Variants in RBM11 observed in about 807,000 individuals in gnomAD.
RBM11 encodes the protein splicing regulator RBM11.
A neutral mutation model predicts 21.4 loss-of-function variants in RBM11; 18 were observed. The ratio of observed to expected loss-of-function variants is 0.84; its 90% CI spans 0.58 to 1.25. The LOEUF (loss-of-function observed/expected upper bound fraction) is 1.25, where lower values mean the gene tolerates loss of function less well. Ranked by LOEUF, RBM11 falls within the 50% of genes most tolerant of loss-of-function variation. RBM11 has a pLI of 0.00. For synonymous variants in RBM11, 120 were observed against 116.3 expected, an observed-to-expected ratio of 1.03 and a Z score of -0.20; for missense variants, 294 against 331.9, an observed-to-expected ratio of 0.89 and a Z score of 0.89.
At chr21:14,221,264 T>A in intron 3 of RBM11, 95 bp downstream of exon 3, 1 of 1,315,986 alleles carries the variant, frequency 7.6e-7, no homozygotes, top group South Asian at 1.8e-5. Flanking sequence ...AAAACCTTAC[T>A]TTTTAGGCCT....
In RBM11 at chr21:14,227,264, C is replaced by G; in HGVS notation, c.817C>G (p.Arg273Gly). Residue 273 changes from arginine to glycine, a missense_variant, in exon 5 of 5, where the codon CGA (arginine) becomes GGA (glycine). Arg to Gly is a moderately radical substitution (Grantham distance 125). Around this residue, in one of 2 missense-constraint regions of RBM11, gnomAD observed 113 missense variants for 167.3 expected, o/e 0.68. Coordinates refer to ENST00000400577, the MANE Select transcript of RBM11 (RefSeq NM_144770.5). ...NRGNECSQKF[R>G]KSKKKKRY ...AGGCAACGAATGTAGCCAAAAGTTC[C>G]GAAAGTCTAAGAAGAAGAAAAGATA... is the stretch of plus-strand genomic sequence containing the variant. 1 of 1,612,634 alleles carries G rather than the reference C, an allele frequency of 6.2e-7. No homozygotes were observed. Among genetic ancestry groups the G allele is most frequent in the Non-Finnish European group, 8.5e-7 (1 of 1,179,434 alleles).
chr21:14,217,841 G>A (rs76670261), intron 1 of RBM11, among the ~76,000 whole-genome samples: 9,698 of 152,172 alleles, frequency 0.064, 429 homozygotes, highest in East Asian at 0.23. Flanking sequence ...AGACTGGGGT[G>A]GGATTGCATT....
intron 2 of RBM11, 58 bp downstream of exon 2, chr21:14,219,783 G>A (rs1978506013): frequency 7.1e-7 from 1 of 1,407,132 alleles, no homozygotes; most frequent in Non-Finnish European, 9.5e-7. Context: ...TATTCTCAGA[G>A]TTGTAAGCAA....
At chr21:14,221,661 C>A in intron 3 of RBM11, among the ~76,000 whole-genome samples, 1 of 152,112 alleles carries the variant, frequency 6.6e-6, no homozygotes, top group African/African-American at 2.4e-5. Flanking sequence ...TTTGTATAGC[C>A]TGATTTATTG....
In RBM11 at chr21:14,227,164, T is replaced by A. The variant is rs1332383469; in HGVS notation, c.717T>A (p.Ser239=). The part of the protein sequence containing the change: ...YKWTHQQPSD[S]DLYQMNKRKR... Reference sequence around the variant, plus strand: ...GGACTCACCAACAACCAAGTGACTCTGACCTTTATCAGATGAATAAACGAA... The same window carrying A: ...GGACTCACCAACAACCAAGTGACTCAGACCTTTATCAGATGAATAAACGAA... The change falls in exon 5 of 5, where the codon TCT becomes TCA. Residue 239 remains serine (S), a synonymous_variant. Transcript: ENST00000400577. 1 of 1,614,056 alleles carries A rather than the reference T, an allele frequency of 6.2e-7. No individual in the cohort carries two copies.
At chr21:14,224,173 C>G (rs184929403) in intron 3 of RBM11, among the ~76,000 whole-genome samples, 31 of 152,218 alleles carry the variant, frequency 2.0e-4, no homozygotes, top group African/African-American at 6.7e-4. Context: ...CCATCCTGTT[C>G]CAATATGACC....
chr21:14,226,965 C>T lies in RBM11; in HGVS notation c.518C>T (p.Ser173Leu). 1 of 1,608,884 alleles carries T rather than the reference C, an allele frequency of 6.2e-7. No individual in the cohort carries two copies. Among genetic ancestry groups the T allele is most frequent in the African/African-American group, 1.3e-5 (1 of 74,782 alleles). Residue 173 changes from serine to leucine, a missense_variant, in exon 5 of 5, where the codon TCA (serine) becomes TTA (leucine). Physicochemically the swap from Ser to Leu is moderately radical, Grantham distance 145. This residue lies in a region of RBM11 where 113 missense variants were observed against 167.3 expected (regional missense o/e 0.68). Coordinates refer to ENST00000400577, the MANE Select transcript of RBM11 (RefSeq NM_144770.5). ...PLPNSASVSS[S>L]LNHVPDLEAG... ...CCTAATAGTGCATCCGTGTCTTCCT[C>T]ACTGAATCATGTTCCAGATCTTGAG...
intron 1 of RBM11, among the ~76,000 whole-genome samples, chr21:14,219,022 A>G (rs529268092): frequency 2.3e-4 from 35 of 152,166 alleles, no homozygotes; most frequent in Non-Finnish European, 4.3e-4. Flanking sequence ...AGTCTTGAAC[A>G]TATTTAAACA....
At chr21:14,220,010 T>C (rs1282005986) in intron 2 of RBM11, among the ~76,000 whole-genome samples, 1 of 152,150 alleles carries the variant, frequency 6.6e-6, no homozygotes, top group Non-Finnish European at 1.5e-5. Context: ...CCCTTATAAA[T>C]TGAGCAAATC....
In RBM11 at chr21:14,221,168, A is replaced by G; in HGVS notation, c.331A>G (p.Arg111Gly). ...SCVKINSHNY[R>G]NEEMLVGRSS... ...TGTTAAGATAAATTCACACAACTAC[A>G]GGTAATTTTAAAAATATTTCTCATC... is the stretch of plus-strand genomic sequence containing the variant. The change falls in exon 3 of 5, where the codon AGG (arginine) becomes GGG (glycine). Residue 111 changes from arginine to glycine, a missense_variant and splice_region_variant. Transcript: ENST00000400577. 1 of 1,551,858 alleles carries G rather than the reference A, an allele frequency of 6.4e-7. No individual in the cohort carries two copies. Among genetic ancestry groups the G allele is most frequent in the Non-Finnish European group, 8.7e-7 (1 of 1,149,352 alleles).
At chr21:14,223,266 G>A (rs1978825319) in intron 3 of RBM11, among the ~76,000 whole-genome samples, 2 of 152,182 alleles carry the variant, frequency 1.3e-5, no homozygotes, top group Admixed American at 6.5e-5. Context: ...TGTCCCCAAA[G>A]TGATTTGCAG....
Position 14,223,297 on chromosome 21 carries a change from A to G in RBM11, c.333-1141A>G, listed in dbSNP as rs957904096. ...TGCAGAGAAAAATGGTGCTTATTTA[A>G]CAATCTAGTCTTTGCTCTCCCTTGG... On this transcript the variant is annotated intron_variant, in intron 3 of 4. Coordinates refer to ENST00000400577, the MANE Select transcript of RBM11 (RefSeq NM_144770.5). 1.9e-4 allele frequency among the ~76,000 whole-genome samples: 29 copies of G among 152,346 alleles called. 1 individual carries two copies. The highest frequency in any genetic ancestry group is 6.3e-4 in the African/African-American group (26 of 41,584).
At chr21:14,218,578 G>A (rs966239598) in intron 1 of RBM11, among the ~76,000 whole-genome samples, 3 of 152,160 alleles carry the variant, frequency 2.0e-5, no homozygotes, top group African/African-American at 7.2e-5. Flanking sequence ...TAGTCCCTGG[G>A]AGAGCACAGA....
chr21:14,219,921 A>G (rs1271362627), intron 2 of RBM11, among the ~76,000 whole-genome samples, 196 bp downstream of exon 2: 4 of 152,196 alleles, frequency 2.6e-5, no homozygotes, highest in Admixed American at 6.5e-5. Context: ...TGACAAACCT[A>G]TAGCATCTTT....
In RBM11 at chr21:14,216,271, C is replaced by A. The variant is rs1171024298; in HGVS notation, c.85C>A (p.Leu29Met). 2 of 1,613,464 alleles carry A rather than the reference C, an allele frequency of 1.2e-6. No individual in the cohort carries two copies. Among genetic ancestry groups the A allele is most frequent in the Non-Finnish European group, 1.7e-6 (2 of 1,179,642 alleles). ...ARVREEILYE[L>M]FLQAGPLTKV... ...AGTTCGGGAAGAGATTCTGTACGAGCTGTTCCTTCAGGTACCGTCTCTGGG... is the reference window on the plus strand; with the variant it reads ...AGTTCGGGAAGAGATTCTGTACGAGATGTTCCTTCAGGTACCGTCTCTGGG... Residue 29 changes from leucine (L) to methionine (M), a missense_variant, in exon 1 of 5, where the codon CTG becomes ATG. Physicochemically the swap from Leu to Met is conservative, Grantham distance 15. This residue lies in a region of RBM11 where 181 missense variants were observed against 164.6 expected (regional missense o/e 1.10). Coordinates refer to ENST00000400577, the MANE Select transcript of RBM11 (RefSeq NM_144770.5).
Position 14,216,232 on chromosome 21 carries a change from A to G in RBM11, c.46A>G (p.Asn16Asp). 6.2e-7 allele frequency: 1 copy of G among 1,613,692 alleles called. No individual in the cohort carries two copies. The highest frequency in any genetic ancestry group is 1.1e-5 in the South Asian group (1 of 91,030). The change falls in exon 1 of 5, where the codon AAT becomes GAT. Residue 16 changes from asparagine to aspartate, a missense_variant. Physicochemically the swap from Asn to Asp is conservative, Grantham distance 23. Transcript: ENST00000400577. ...EEADRTVFVG[N>D]LEARVREEIL... is the part of the protein sequence containing the mutation. ...GGCCGACAGGACCGTGTTTGTTGGG[A>G]ATTTAGAGGCCCGAGTTCGGGAAGA... is the stretch of plus-strand genomic sequence containing the variant.
chr21:14,222,987 A>G (rs1978801107), intron 3 of RBM11, among the ~76,000 whole-genome samples: 6 of 152,204 alleles, frequency 3.9e-5, no homozygotes, highest in African/African-American at 1.4e-4. Context: ...CCAAGTGGGA[A>G]AAGGTATCTC....
intron 4 of RBM11, among the ~76,000 whole-genome samples, chr21:14,225,214 A>G (rs1739487): frequency 2.0e-5 from 3 of 152,082 alleles, no homozygotes; most frequent in African/African-American, 7.2e-5. Flanking sequence ...GCTTTTGGAC[A>G]TGGATTTTTA....
At chr21:14,221,031 G>C in intron 2 of RBM11, 66 bp from the exon 3 acceptor site, 1 of 1,444,754 alleles carries the variant, frequency 6.9e-7, no homozygotes. Flanking sequence ...GTCATTTTAT[G>C]GTTTAATATT....
Sources: gnomAD v4.1 joint callset for allele counts (sites outside exome capture counted in the v4.1 genomes callset) on GRCh38, gnomAD v4.1.1 for gene constraint, gnomAD v4.1.1 regional missense constraint, MANE v1.5 for transcripts, NCBI Gene and HGNC (gene_info 2026-07-23, HGNC 2026-07-21) for gene names.